The following CNTNAP4 variants were observed in gnomAD, a reference collection of about 807,000 sequenced individuals.
The protein encoded by CNTNAP4 is contactin associated protein family member 4.
In CNTNAP4, 98 loss-of-function variants were observed where a neutral mutation model predicts 148.4. The ratio of observed to expected loss-of-function variants is 0.66; its 90% CI spans 0.56 to 0.78. CNTNAP4 has a LOEUF of 0.78. Ranked by LOEUF, CNTNAP4 falls within the 30% of genes least tolerant of loss-of-function variation. The pLI is 0.00. For synonymous variants in CNTNAP4, 730 were observed against 565.1 expected (o/e 1.29, Z -4.14); for missense variants, 1,935 against 1,565.6 (o/e 1.24, Z -3.98).
chr16:76,553,401 C>T lies in CNTNAP4; in HGVS notation c.3561C>T (p.His1187=). The T allele has an allele frequency of 6.2e-7, 1 of 1,612,674 alleles. No homozygotes were observed. The highest frequency in any genetic ancestry group is 8.5e-7 in the Non-Finnish European group (1 of 1,179,324). Residue 1187 remains histidine (H), a synonymous_variant, in exon 22 of 24, where the codon CAC becomes CAT. Transcript: ENST00000611870. ...APLKAALHPS[H]PDPVTVTGHV... ...TGAAGGCAGCTCTGCACCCCAGCCA[C>T]CCAGACCCTGTCACTGTTACAGGAC...
intron 3 of CNTNAP4, among the ~76,000 whole-genome samples, chr16:76,356,489 T>G (rs577287330): frequency 1.3e-5 from 2 of 152,280 alleles, no homozygotes; most frequent in South Asian, 4.1e-4. Context: ...AGTTGATTGA[T>G]AAATAAACCT....
chr16:76,336,147 T>C (rs909777090), intron 2 of CNTNAP4, among the ~76,000 whole-genome samples: 1 of 152,148 alleles, frequency 6.6e-6, no homozygotes, highest in South Asian at 2.1e-4. Flanking sequence ...ATTAGGTTGA[T>C]TTTCTACATG....
intron 2 of CNTNAP4, among the ~76,000 whole-genome samples, chr16:76,332,955 A>G (rs1244881681): frequency 6.6e-6 from 1 of 152,212 alleles, no homozygotes; most frequent in Admixed American, 6.5e-5. Flanking sequence ...CGGACTGACC[A>G]GGAAGGTCTG....
At chr16:76,336,071 G>C (rs531352127) in intron 2 of CNTNAP4, among the ~76,000 whole-genome samples, 12 of 152,188 alleles carry the variant, frequency 7.9e-5, no homozygotes, top group African/African-American at 2.9e-4. Context: ...TAAATTTGAA[G>C]GTGGCATAAA....
chr16:76,448,082 A>C lies in CNTNAP4; in HGVS notation c.609A>C (p.Pro203=). ...GATTTGATCAAAAATCCCTGAGCCCAATAAAAGACATTATTTCTTTGAAAT... is the reference window on the plus strand; with the variant it reads ...GATTTGATCAAAAATCCCTGAGCCCCATAAAAGACATTATTTCTTTGAAAT... ...LYRFDQKSLS[P]IKDIISLKFK... is the part of the protein sequence containing the mutation. Residue 203 remains proline (P), a synonymous_variant, in exon 5 of 24, where the codon CCA becomes CCC. Coordinates refer to ENST00000611870, the MANE Select transcript of CNTNAP4 (RefSeq NM_033401.5). The C allele has an allele frequency of 6.2e-7, 1 of 1,613,788 alleles. No homozygotes were observed.
At chr16:76,451,126 C>T (rs552404014) in intron 7 of CNTNAP4, among the ~76,000 whole-genome samples, 10 of 152,208 alleles carry the variant, frequency 6.6e-5, no homozygotes, top group South Asian at 4.1e-4. Flanking sequence ...AAGAGATGGG[C>T]CATAGTGCAG....
chr16:76,408,058 TA>T (rs1449728168), intron 3 of CNTNAP4, among the ~76,000 whole-genome samples: 1 of 150,862 alleles, frequency 6.6e-6, no homozygotes, highest in Admixed American at 6.6e-5. Context: ...TTATGATTAG[TA>T]TTTTTTTTAG....
chr16:76,450,013 G>A (rs2080400754), intron 7 of CNTNAP4, among the ~76,000 whole-genome samples, 155 bp downstream of exon 7: 1 of 151,996 alleles, frequency 6.6e-6, no homozygotes, highest in African/African-American at 2.4e-5. Context: ...TAAAAGATTG[G>A]TTCTATCTGA....
At chr16:76,441,787 A>G (rs897031299) in intron 4 of CNTNAP4, among the ~76,000 whole-genome samples, 4 of 152,198 alleles carry the variant, frequency 2.6e-5, no homozygotes, top group African/African-American at 9.7e-5. Context: ...TTCCTGCCCA[A>G]TATTCTAACA....
intron 3 of CNTNAP4, among the ~76,000 whole-genome samples, chr16:76,425,007 G>C (rs1167695222): frequency 6.6e-6 from 1 of 152,024 alleles, no homozygotes; most frequent in African/African-American, 2.4e-5. Context: ...AATAAGATTT[G>C]GTTAGTGCAA....
rs796167361 is a variant in CNTNAP4 at position 76,398,263 on chromosome 16, C to T, written c.391-29189C>T. Among the ~76,000 whole-genome samples the T allele has an allele frequency of 6.8e-4, 103 of 151,590 alleles. 2 individuals carry two copies. The highest frequency in any genetic ancestry group is 2.4e-3 in the African/African-American group (99 of 41,316). On this transcript the variant is annotated intron_variant, in intron 3 of 23. Transcript: ENST00000611870. The stretch of plus-strand genomic sequence containing the variant: ...CTGGTTGAGGATGGTTCTGTCTTTC[C>T]CAGTCCACTGACTCAAATGTTAATC...
chr16:76,503,681 C>T (rs1324669711), intron 15 of CNTNAP4, among the ~76,000 whole-genome samples: 2 of 151,754 alleles, frequency 1.3e-5, no homozygotes, highest in Non-Finnish European at 2.9e-5. Flanking sequence ...CTCCCCCTTC[C>T]CCCCACCCCA....
At chr16:76,306,695 G>A (rs1273244466) in intron 1 of CNTNAP4, among the ~76,000 whole-genome samples, 7 of 152,168 alleles carry the variant, frequency 4.6e-5, no homozygotes, top group Admixed American at 4.6e-4. Context: ...AATTTTCGAG[G>A]TGGTGCATTA....
rs1284504948 is a variant in CNTNAP4, at chr16:76,449,823, T to C, written c.1036T>C (p.Leu346=). Residue 346 remains leucine (L), a synonymous_variant, in exon 7 of 24, where the codon TTG becomes CTG. Coordinates refer to ENST00000611870, the MANE Select transcript of CNTNAP4 (RefSeq NM_033401.5). ...TTATAATGGAGTGGATATCATTGAT[T>C]TGGCCAAGCAGCAAAAACCACAGAT... The part of the protein sequence containing the change: ...LYYNGVDIID[L]AKQQKPQIIA... 1.2e-6 allele frequency: 2 copies of C among 1,608,626 alleles called. No homozygotes were observed. Among genetic ancestry groups the C allele is most frequent in the Non-Finnish European group, 1.7e-6 (2 of 1,177,616 alleles).
At chr16:76,546,588 A>G (rs2084744953) in intron 21 of CNTNAP4, among the ~76,000 whole-genome samples, 1 of 152,212 alleles carries the variant, frequency 6.6e-6, no homozygotes, top group Non-Finnish European at 1.5e-5. Context: ...CTGATTCTAC[A>G]TTATGGCCAA....
At chr16:76,522,649 TC>T (rs981873430) in intron 17 of CNTNAP4, among the ~76,000 whole-genome samples, 1 of 88,812 alleles carries the variant, frequency 1.1e-5, no homozygotes, top group Non-Finnish European at 2.4e-5. Flanking sequence ...TTCTTTCTTT[TC>T]TCTCTTTCTC....
intron 3 of CNTNAP4, among the ~76,000 whole-genome samples, chr16:76,413,236 C>G (rs79337831): frequency 0.025 from 3,720 of 151,418 alleles, 122 homozygotes; most frequent in African/African-American, 0.08. Flanking sequence ...TAACCATCCC[C>G]ACCTCCCTGC....
intron 21 of CNTNAP4, among the ~76,000 whole-genome samples, chr16:76,549,680 A>C (rs2084883686): frequency 6.6e-6 from 1 of 152,160 alleles, no homozygotes; most frequent in African/African-American, 2.4e-5. Flanking sequence ...TTTTTTTCCC[A>C]AACAAAAAAT....
chr16:76,287,361 A>G (rs1958930073), intron 1 of CNTNAP4, among the ~76,000 whole-genome samples: 1 of 152,214 alleles, frequency 6.6e-6, no homozygotes, highest in Non-Finnish European at 1.5e-5. Flanking sequence ...TGCTACGCTT[A>G]ACACGCAAAA....
Sources: allele counts gnomAD v4.1 joint callset (sites outside exome capture counted in the v4.1 genomes callset), GRCh38; gene constraint gnomAD v4.1.1; transcripts MANE v1.5; gene names NCBI Gene and HGNC (gene_info 2026-07-23, HGNC 2026-07-21).